The following ESYT1 variants were observed in gnomAD, a reference collection of about 807,000 sequenced individuals.
ESYT1 encodes extended synaptotagmin 1.
Under a neutral mutation model 154.2 loss-of-function variants are expected in ESYT1, and 116 were observed. That is an observed-to-expected ratio of 0.75 (90% CI 0.65 to 0.88). The LOEUF (loss-of-function observed/expected upper bound fraction) is 0.88, where lower values mean the gene tolerates loss of function less well. Among genes scored for constraint, ESYT1 ranks in the 40% least tolerant of loss-of-function variants. The pLI is 0.00. For missense variants in ESYT1, 1,264 were observed against 1,379.3 expected (o/e 0.92, Z 1.32); for synonymous variants, 500 against 539.9 (o/e 0.93, Z 1.02).
rs201212615 is a variant in ESYT1, at chr12:56,130,563, C to A, written c.391-19C>A. On this transcript the variant is annotated intron_variant, in intron 1 of 30. Coordinates refer to ENST00000394048, the MANE Select transcript of ESYT1 (RefSeq NM_015292.3). ...GAGGGTGTGCTGCACGTCACTGTCT[C>A]TGCCTTCCCCACCTCCAGGTCAGCT... The A allele has an allele frequency of 9.1e-4, 1,476 of 1,613,460 alleles. 3 individuals carry two copies. Among genetic ancestry groups the A allele is most frequent in the Middle Eastern group, 2.4e-3 (13 of 5,458 alleles).
At chr12:56,132,642 G>T (rs760190717) in intron 9 of ESYT1, 45 bp downstream of exon 9, 2 of 1,613,872 alleles carry the variant, frequency 1.2e-6, no homozygotes, top group African/African-American at 2.7e-5. Flanking sequence ...GCCCCAGGAG[G>T]TTGTGAGAGA....
Position 56,144,655 on chromosome 12 carries a change from T to G in ESYT1, c.*793T>G. 1.0e-6 allele frequency: 1 copy of G among 985,474 alleles called. No homozygotes were observed. Among genetic ancestry groups the G allele is most frequent in the Non-Finnish European group, 1.2e-6 (1 of 829,932 alleles). The allele number at this position is 985,474 out of a possible 1,614,324, so 61.0% of individuals were successfully genotyped here. On this transcript the variant is annotated 3_prime_UTR_variant, in exon 31 of 31. Transcript: ENST00000394048. Reference sequence around the variant, plus strand: ...TCTGCCAAGCCACTGGATCTTACATTAAACATCATACTCAAACCAGCTGTG... The same window carrying G: ...TCTGCCAAGCCACTGGATCTTACATGAAACATCATACTCAAACCAGCTGTG...
chr12:56,136,940 A>G (rs775882416), intron 16 of ESYT1, 47 bp downstream of exon 16: 1 of 1,534,506 alleles, frequency 6.5e-7, no homozygotes, highest in East Asian at 2.3e-5. Context: ...AGGCCTGTTG[A>G]TTCTTTGGTA....
rs558920689 is a variant in ESYT1 at position 56,135,436 on chromosome 12, T to C, written c.1632+1008T>C. 1.6e-3 allele frequency among the ~76,000 whole-genome samples: 237 copies of C among 151,670 alleles called. 1 individual carries two copies. Among genetic ancestry groups the C allele is most frequent in the Non-Finnish European group, 2.6e-3 (176 of 67,884 alleles). On this transcript the variant is annotated intron_variant, in intron 15 of 30. Coordinates refer to ENST00000394048, the MANE Select transcript of ESYT1 (RefSeq NM_015292.3). The stretch of plus-strand genomic sequence containing the variant: ...ATCCGCCCGTCTCAGCCTCCCAAAG[T>C]GCTTGGATTACAGGCGTGAGCCACC...
At position 56,143,271 on chromosome 12, in the gene ESYT1, C is replaced by T; in HGVS notation, c.3163C>T (p.Leu1055=). The part of the protein sequence containing the change: ...LPLDEAQRRK[L]DVSVKSNSSF... ...CCTGGATGAGGCCCAGAGACGAAAG[C>T]TGGATGTCTCTGTCAAGTCTAATTC... Residue 1055 remains leucine (L), a synonymous_variant, in exon 29 of 31, where the codon CTG becomes TTG. Coordinates refer to ENST00000394048, the MANE Select transcript of ESYT1 (RefSeq NM_015292.3). The T allele has an allele frequency of 1.2e-6, 2 of 1,614,178 alleles. No homozygotes were observed. The highest frequency in any genetic ancestry group is 1.7e-6 in the Non-Finnish European group (2 of 1,180,032).
intron 24 of ESYT1, among the ~76,000 whole-genome samples, chr12:56,140,163 C>CA (rs1359878506): frequency 6.6e-6 from 1 of 152,016 alleles, no homozygotes; most frequent in Non-Finnish European, 1.5e-5. Flanking sequence ...AACCGCGCCC[C>CA]AGCCTAAGGG....
intron 1 of ESYT1, chr12:56,128,910 C>G (rs1409202137): frequency 1.6e-6 from 1 of 618,948 alleles, no homozygotes; most frequent in Non-Finnish European, 2.8e-6. Context: ...CCCACCCTTT[C>G]GCATGCCCAG....
intron 3 of ESYT1, 26 bp downstream of exon 3, chr12:56,130,951 G>GAGGT: frequency 6.2e-7 from 1 of 1,614,174 alleles, no homozygotes. Flanking sequence ...GGAAAGTGAG[G>GAGGT]AGGTAGGCTA....
rs1870097743 is a variant in ESYT1, at chr12:56,128,553, G to A, written c.234G>A (p.Val78=). ...VYLAGAVGLS[V]GFVLFGLALY... is the part of the protein sequence containing the mutation. ...TGGCCGGGGCAGTGGGACTCAGCGT[G>A]GGTTTCGTGCTCTTCGGCCTCGCCC... The change falls in exon 1 of 31, where the codon GTG becomes GTA. Residue 78 remains valine, a synonymous_variant. Coordinates refer to ENST00000394048, the MANE Select transcript of ESYT1 (RefSeq NM_015292.3). The A allele has an allele frequency of 2.5e-6, 4 of 1,613,572 alleles. No individual in the cohort carries two copies. The highest frequency in any genetic ancestry group is 3.4e-6 in the Non-Finnish European group (4 of 1,179,850).
intron 15 of ESYT1, 42 bp downstream of exon 15, chr12:56,134,470 C>T: frequency 6.5e-7 from 1 of 1,537,630 alleles, no homozygotes; most frequent in Non-Finnish European, 9.0e-7. Context: ...ATACCCTATT[C>T]TGACTTCCCA....
chr12:56,130,968 G>T, intron 3 of ESYT1, 43 bp downstream of exon 3: 1 of 1,614,162 alleles, frequency 6.2e-7, no homozygotes, highest in Non-Finnish European at 8.5e-7. Context: ...GCTAGGGAGG[G>T]TGAGTGGCCC....
In ESYT1 at chr12:56,143,576, A is replaced by G. The variant is rs1870803263; in HGVS notation, c.3226-4A>G. The G allele has an allele frequency of 1.2e-6, 2 of 1,613,982 alleles. No homozygotes were observed. The highest frequency in any genetic ancestry group is 2.7e-5 in the African/African-American group (2 of 74,894). On this transcript the variant is annotated splice_region_variant and splice_polypyrimidine_tract_variant and intron_variant, in intron 29 of 30. Transcript: ENST00000394048. The stretch of plus-strand genomic sequence containing the variant: ...CATCTTTCCCCTATCATCTTCCAAC[A>G]CAGGTGCAGCTGGACCTAGCTGAGA...
rs1870113677 is a variant in ESYT1, at chr12:56,128,863, A to AC, written c.390+155dup. 4.4e-6 allele frequency: 4 copies of AC among 913,720 alleles called. No individual in the cohort carries two copies. The Admixed American group carries it at 1.0e-4, about 23-fold the overall frequency. The allele number at this position is 913,720 out of a possible 1,614,324, so 56.6% of individuals were successfully genotyped here. ...TCCCCGCTAGCCGCCTGCCTGCTGG[A>AC]CGCGCCACTCTTGGAACCGACTGCT... is the stretch of plus-strand genomic sequence containing the variant. On this transcript the variant is annotated intron_variant, in intron 1 of 30. Transcript: ENST00000394048.
rs754209990 is a variant in ESYT1, at chr12:56,132,424, A to T, written c.988A>T (p.Ile330Phe). The part of the protein sequence containing the change: ...AQLRSPLPRG[I>F]IRIHLLAARG... ...ACCATCTGATTCCTTCCTCCAGGGC[A>T]TTATTCGAATTCACCTGCTGGCTGC... The change falls in exon 9 of 31, where the codon ATT becomes TTT. Residue 330 changes from isoleucine (I) to phenylalanine (F), a missense_variant. Ile to Phe is a conservative substitution (Grantham distance 21). Coordinates refer to ENST00000394048, the MANE Select transcript of ESYT1 (RefSeq NM_015292.3). 6.2e-7 allele frequency: 1 copy of T among 1,614,068 alleles called. No homozygotes were observed.
rs1870841148 is a variant in ESYT1, at chr12:56,144,486, A to AT, written c.*625dup. On this transcript the variant is annotated 3_prime_UTR_variant, in exon 31 of 31. Transcript: ENST00000394048. ...TCTACTCAAGCCTCCAAGTAGTGGC[A>AT]TATCAGTCTTGGAGCTCCTAGCTGG... 8.1e-6 allele frequency: 8 copies of AT among 986,174 alleles called. No homozygotes were observed. Among genetic ancestry groups the AT allele is most frequent in the East Asian group, 1.1e-4 (1 of 8,838 alleles). 61.1% of individuals were successfully genotyped at this position (986,174 alleles called of 1,614,324 possible).
In ESYT1 at chr12:56,140,552, C is replaced by G. The variant is rs554968884; in HGVS notation, c.2592+1539C>G. ...CTAATTTTTGTATTTTTAAGAGAGA[C>G]GGGGTTTCACCATGTTGGTCAGGCT... On this transcript the variant is annotated intron_variant, in intron 24 of 30. Transcript: ENST00000394048. 6.6e-5 allele frequency among the ~76,000 whole-genome samples: 10 copies of G among 151,864 alleles called. No homozygotes were observed. In the East Asian group the frequency reaches 1.6e-3, roughly 24 times the overall value.
chr12:56,128,345 C>T lies in ESYT1; in HGVS notation c.26C>T (p.Pro9Leu), dbSNP rs772575851. Residue 9 changes from proline (P) to leucine (L), a missense_variant, in exon 1 of 31, where the codon CCC (proline) becomes CTC (leucine). By Grantham distance (98) the Pro-to-Leu change is moderately conservative (BLOSUM62 -3). Coordinates refer to ENST00000394048, the MANE Select transcript of ESYT1 (RefSeq NM_015292.3). MERSPGEG[P>L]SPSPMDQPSA... The stretch of plus-strand genomic sequence containing the variant: ...ATGGAGCGATCTCCAGGAGAGGGCC[C>T]CAGCCCCAGCCCCATGGACCAGCCC... The T allele has an allele frequency of 6.2e-7, 1 of 1,611,534 alleles. No homozygotes were observed. Among genetic ancestry groups the T allele is most frequent in the South Asian group, 1.1e-5 (1 of 90,874 alleles).
rs1668390695 is a variant in ESYT1, at chr12:56,142,115, AG to A, written c.2593-168del. 6.6e-6 allele frequency among the ~76,000 whole-genome samples: 1 copy of A among 151,690 alleles called. No homozygotes were observed. The highest frequency in any genetic ancestry group is 2.1e-4 in the South Asian group (1 of 4,820). ...TCTGTCTCAAAAAAAAAAAAAAGGAAGGAAGGACAGAGGGAGGGACTAGCAA... is the reference window on the plus strand; with the variant it reads ...TCTGTCTCAAAAAAAAAAAAAAGGAAGAAGGACAGAGGGAGGGACTAGCAA... On this transcript the variant is annotated intron_variant, in intron 24 of 30. Coordinates refer to ENST00000394048, the MANE Select transcript of ESYT1 (RefSeq NM_015292.3). This position sits in a 1 kb window ranked among gnomAD's most constrained non-coding sequence, Gnocchi z 4.1.
In ESYT1 at chr12:56,137,713, ATTT is replaced by A. The variant is rs770478511; in HGVS notation, c.2115+41_2115+43del. On this transcript the variant is annotated intron_variant, in intron 18 of 30. Coordinates refer to ENST00000394048, the MANE Select transcript of ESYT1 (RefSeq NM_015292.3). ...TGGCTGTGACTCCTGGTTCTGCCCC[ATTT>A]TTCCCCCAATCCCAAAAGTGGTCCA... The A allele has an allele frequency of 1.2e-5, 19 of 1,609,698 alleles. No individual in the cohort carries two copies. In the South Asian group the frequency reaches 2.1e-4, roughly 18 times the overall value.
Sources: allele counts gnomAD v4.1 joint callset (sites outside exome capture counted in the v4.1 genomes callset), GRCh38; gene constraint gnomAD v4.1.1; non-coding constraint Gnocchi (gnomAD v3.1); transcripts MANE v1.5; gene names NCBI Gene and HGNC (gene_info 2026-07-23, HGNC 2026-07-21).